CDH4: variants seen among roughly 807,000 people sequenced by gnomAD.
CDH4 encodes cadherin 4.
A neutral mutation model predicts 86.0 loss-of-function variants in CDH4; 33 were observed. That is an observed-to-expected ratio of 0.38 (90% CI 0.29 to 0.51). The LOEUF is 0.51. Ranked by LOEUF, CDH4 falls within the 20% of genes least tolerant of loss-of-function variation. The pLI is 0.86. For missense variants in CDH4, 1,114 were observed against 1,307.4 expected (o/e 0.85, Z 2.28); for synonymous variants, 555 against 549.4 (o/e 1.01, Z -0.14).
intron 2 of CDH4, among the ~76,000 whole-genome samples, chr20:61,671,458 T>C (rs953703093): frequency 1.3e-5 from 2 of 152,172 alleles, no homozygotes; most frequent in African/African-American, 2.4e-5. Context: ...ATCGTGTCAC[T>C]GCACTCCAGC....
At chr20:61,310,299 A>T (rs997409677) in intron 2 of CDH4, among the ~76,000 whole-genome samples, 4 of 152,170 alleles carry the variant, frequency 2.6e-5, no homozygotes, top group Non-Finnish European at 5.9e-5. Context: ...TGCCATACTA[A>T]GTACCACAAA....
In CDH4 at chr20:61,377,892, T is replaced by A. The variant is rs2084880789; in HGVS notation, c.169+122955T>A. On this transcript the variant is annotated intron_variant, in intron 2 of 15. Transcript: ENST00000614565. This position sits in a 1 kb window ranked among gnomAD's most constrained non-coding sequence, Gnocchi z 4.0. Reference sequence around the variant, plus strand: ...AATTAGCGGGGAATTAGCTCACACATCCCTTCATGTGCCGTGATGTTGACT... The same window carrying A: ...AATTAGCGGGGAATTAGCTCACACAACCCTTCATGTGCCGTGATGTTGACT... Among the ~76,000 whole-genome samples, 1 of 152,178 alleles carries A rather than the reference T, an allele frequency of 6.6e-6. No individual in the cohort carries two copies. The highest frequency in any genetic ancestry group is 2.4e-5 in the African/African-American group (1 of 41,446).
chr20:61,496,002 GCTC>G (rs571465759), intron 2 of CDH4, among the ~76,000 whole-genome samples: 76 of 151,716 alleles, frequency 5.0e-4, no homozygotes, highest in African/African-American at 1.7e-3. Flanking sequence ...GCAAGGGAAA[GCTC>G]CTCGAACATT....
intron 2 of CDH4, among the ~76,000 whole-genome samples, chr20:61,407,152 T>G (rs761173612): frequency 3.9e-5 from 6 of 152,242 alleles, no homozygotes; most frequent in Non-Finnish European, 8.8e-5. Context: ...GTGAGGTCCC[T>G]GTGAAGACTC....
intron 4 of CDH4, among the ~76,000 whole-genome samples, chr20:61,832,616 G>C (rs1981674452): frequency 6.6e-6 from 1 of 152,102 alleles, no homozygotes; most frequent in African/African-American, 2.4e-5. Context: ...GCGAGCAGGG[G>C]ACACGCCAGA....
chr20:61,534,773 G>A (rs1892332), intron 2 of CDH4, among the ~76,000 whole-genome samples: 456 of 147,300 alleles, frequency 3.1e-3, no homozygotes, highest in South Asian at 0.024. Flanking sequence ...AGCCTCTGGT[G>A]GGACAGTGGC....
rs10048857 is a variant in CDH4 at position 61,507,819 on chromosome 20, G to A, written c.170-235744G>A. Among the ~76,000 whole-genome samples the A allele has an allele frequency of 5.9e-3, 894 of 152,332 alleles. 8 individuals are homozygous for A. Among genetic ancestry groups the A allele is most frequent in the African/African-American group, 0.021 (860 of 41,566 alleles). On this transcript the variant is annotated intron_variant, in intron 2 of 15. Coordinates refer to ENST00000614565, the MANE Select transcript of CDH4 (RefSeq NM_001794.5). ...AACATATTGGCACTTATTCTAACAA[G>A]TGTTCCATACTAAGGTAAGATGTAA...
intron 3 of CDH4, among the ~76,000 whole-genome samples, chr20:61,751,136 A>G (rs34752172): frequency 0.039 from 5,923 of 152,284 alleles, 150 homozygotes; most frequent in Middle Eastern, 0.061. Context: ...TTTAATGGAA[A>G]TGGAAAGGGC....
chr20:61,530,828 C>T (rs2085946228), intron 2 of CDH4, among the ~76,000 whole-genome samples: 1 of 152,088 alleles, frequency 6.6e-6, no homozygotes, highest in South Asian at 2.1e-4. Flanking sequence ...CAAGTATCTC[C>T]AGCCTCTTGC....
intron 2 of CDH4, among the ~76,000 whole-genome samples, chr20:61,270,653 C>T (rs1331986285): frequency 4.6e-5 from 7 of 152,164 alleles, no homozygotes; most frequent in Non-Finnish European, 1.0e-4. Flanking sequence ...CGTCAATTTT[C>T]TTCAATCCTG....
At chr20:61,682,478 C>CAGAT (rs1403739482) in intron 2 of CDH4, among the ~76,000 whole-genome samples, 3 of 144,656 alleles carry the variant, frequency 2.1e-5, no homozygotes, top group African/African-American at 7.8e-5. Context: ...GATGGATGGA[C>CAGAT]AGATGGATGG....
intron 2 of CDH4, among the ~76,000 whole-genome samples, chr20:61,372,384 G>A (rs910572291): frequency 1.3e-5 from 2 of 152,216 alleles, no homozygotes; most frequent in African/African-American, 2.4e-5. Context: ...ACCCGCACAC[G>A]CTTCGCCTCC....
chr20:61,365,037 G>A (rs1188162210), intron 2 of CDH4, among the ~76,000 whole-genome samples: 2 of 152,154 alleles, frequency 1.3e-5, no homozygotes, highest in Non-Finnish European at 2.9e-5. Context: ...GGCCCATGAT[G>A]GATTCCAAGA....
At chr20:61,594,075 G>T (rs1341232311) in intron 2 of CDH4, among the ~76,000 whole-genome samples, 1 of 93,146 alleles carries the variant, frequency 1.1e-5, no homozygotes, top group Non-Finnish European at 2.2e-5. Flanking sequence ...GAAGGGTTGG[G>T]GAAGGGTGTG....
At chr20:61,920,108 TGGAAGCGTGTCACG>T (rs1157366052) in intron 9 of CDH4, among the ~76,000 whole-genome samples, 1 of 50,602 alleles carries the variant, frequency 2.0e-5, no homozygotes, top group African/African-American at 6.6e-5. Context: ...ATGTTGTGAT[TGGAAGCGTGTCACG>T]GTGATTGCGT....
intron 2 of CDH4, among the ~76,000 whole-genome samples, chr20:61,258,340 A>AAAAAAAAAAAAAG (rs1353887398): frequency 7.4e-5 from 9 of 121,764 alleles, no homozygotes; most frequent in African/African-American, 2.8e-4. Flanking sequence ...AAAAAAAAAA[A>AAAAAAAAAAAAAG]AAAAAGAAAA....
At chr20:61,631,127 A>G (rs1600822221) in intron 2 of CDH4, among the ~76,000 whole-genome samples, 1 of 152,182 alleles carries the variant, frequency 6.6e-6, no homozygotes, top group Non-Finnish European at 1.5e-5. Context: ...GCTGTGTCCA[A>G]GGTGTTCGAG....
rs140848583 is a variant in CDH4 at position 61,371,744 on chromosome 20, G to A, written c.169+116807G>A. Among the ~76,000 whole-genome samples, 7 of 152,384 alleles carry A rather than the reference G, an allele frequency of 4.6e-5. No individual in the cohort carries two copies. The East Asian group carries it at 1.2e-3, about 25-fold the overall frequency. On this transcript the variant is annotated intron_variant, in intron 2 of 15. Coordinates refer to ENST00000614565, the MANE Select transcript of CDH4 (RefSeq NM_001794.5). The stretch of plus-strand genomic sequence containing the variant: ...TGGAGACCTCATCACGCACAGAGCA[G>A]CCCTGGGCTGGGCCGCATGGAAGGC...
chr20:61,585,229 G>T (rs2086460246), intron 2 of CDH4, among the ~76,000 whole-genome samples: 1 of 152,228 alleles, frequency 6.6e-6, no homozygotes, highest in Non-Finnish European at 1.5e-5. Flanking sequence ...TGGGTGCTGT[G>T]CAGAGCAGCA....
Sources: allele counts gnomAD v4.1 joint callset (sites outside exome capture counted in the v4.1 genomes callset), GRCh38; gene constraint gnomAD v4.1.1; non-coding constraint Gnocchi (gnomAD v3.1); transcripts MANE v1.5; gene names NCBI Gene and HGNC (gene_info 2026-07-23, HGNC 2026-07-21).